Variants in NRXN1 observed in about 807,000 individuals in gnomAD.
NRXN1 encodes the protein neurexin-1.
Under a neutral mutation model 150.9 loss-of-function variants are expected in NRXN1, and 39 were observed. The ratio of observed to expected loss-of-function variants is 0.26; its 90% CI spans 0.20 to 0.34. NRXN1 has a LOEUF of 0.34. Ranked by LOEUF, NRXN1 falls within the 10% of genes least tolerant of loss-of-function variation. The probability of loss-of-function intolerance (pLI) is 1.00; values close to 1 mark genes in which losing one functional copy is unlikely to be tolerated. For synonymous variants in NRXN1, 924 were observed against 757.0 expected (o/e 1.22, Z -3.62); for missense variants, 1,815 against 1,949.9 (o/e 0.93, Z 1.30).
intron 17 of NRXN1, among the ~76,000 whole-genome samples, chr2:50,329,635 A>G (rs1474052985): frequency 3.7e-4 from 3 of 8,064 alleles, no homozygotes; most frequent in African/African-American, 7.8e-4. Flanking sequence ...ATATATATAT[A>G]TATATATATA....
chr2:50,125,893 C>A (rs1477831816), intron 18 of NRXN1, among the ~76,000 whole-genome samples: 1 of 152,002 alleles, frequency 6.6e-6, no homozygotes, highest in African/African-American at 2.4e-5. Flanking sequence ...GCTGCACTTT[C>A]CTGTGGTATA....
intron 18 of NRXN1, among the ~76,000 whole-genome samples, chr2:50,155,648 T>A (rs913830343): frequency 1.3e-5 from 2 of 151,518 alleles, no homozygotes; most frequent in African/African-American, 4.8e-5. Context: ...ACCCTGACAT[T>A]TATTTTAATA....
At chr2:50,029,154 C>A (rs1169173646) in intron 21 of NRXN1, among the ~76,000 whole-genome samples, 1 of 152,176 alleles carries the variant, frequency 6.6e-6, no homozygotes, top group Non-Finnish European at 1.5e-5. Flanking sequence ...TCTTCCTTTT[C>A]ACCATGTGAG....
chr2:50,425,968 A>T (rs2084447390), intron 17 of NRXN1, among the ~76,000 whole-genome samples: 1 of 152,218 alleles, frequency 6.6e-6, no homozygotes, highest in South Asian at 2.1e-4. Context: ...TCCTTATCAT[A>T]TCCCAACCTC....
intron 5 of NRXN1, among the ~76,000 whole-genome samples, chr2:50,723,622 C>A (rs1696950732): frequency 6.6e-6 from 1 of 152,176 alleles, no homozygotes; most frequent in Non-Finnish European, 1.5e-5. Flanking sequence ...TATAAAGTTA[C>A]CCAGAGGGCC....
At chr2:50,219,965 A>T (rs1161728879) in intron 18 of NRXN1, among the ~76,000 whole-genome samples, 1 of 56,798 alleles carries the variant, frequency 1.8e-5, no homozygotes, top group Non-Finnish European at 3.1e-5. Flanking sequence ...TATATATATT[A>T]TATATATATA....
chr2:50,307,639 A>G (rs2152959786), intron 17 of NRXN1, among the ~76,000 whole-genome samples: 1 of 152,338 alleles, frequency 6.6e-6, no homozygotes. Flanking sequence ...ATTAGTGATC[A>G]GGTCGAATAC....
intron 17 of NRXN1, among the ~76,000 whole-genome samples, chr2:50,261,155 T>C (rs1389316093): frequency 6.6e-6 from 1 of 151,796 alleles, no homozygotes; most frequent in Non-Finnish European, 1.5e-5. Flanking sequence ...GCATTTACAC[T>C]GTAGAAGCCA....
Position 50,347,212 on chromosome 2 carries a change from C to A in NRXN1, c.3365-110242G>T. On this transcript the variant is annotated intron_variant, in intron 17 of 22. Coordinates refer to ENST00000401669, the MANE Select transcript of NRXN1 (RefSeq NM_001330078.2). This position sits in a 1 kb window ranked among gnomAD's most constrained non-coding sequence, Gnocchi z 4.9. The stretch of plus-strand genomic sequence containing the variant: ...TTGTCCGGAAAGGCAGCCCCGGGAA[C>A]AGCAAGCGCGGAGCGGGTGGCTGCT... 1 of 1,341,780 alleles carries A rather than the reference C, an allele frequency of 7.5e-7. No individual in the cohort carries two copies. Among genetic ancestry groups the A allele is most frequent in the Non-Finnish European group, 9.8e-7 (1 of 1,024,150 alleles). 83.1% of individuals were successfully genotyped at this position (1,341,780 alleles called of 1,614,324 possible). A position where few individuals can be genotyped will look rare whatever the true frequency, so the allele number is the denominator to read the frequency against.
intron 18 of NRXN1, among the ~76,000 whole-genome samples, chr2:50,145,903 A>G (rs1400647586): frequency 2.0e-5 from 3 of 151,624 alleles, no homozygotes; most frequent in Non-Finnish European, 3.0e-5. Flanking sequence ...GATAGGTGAT[A>G]TGGTACTACT....
intron 18 of NRXN1, among the ~76,000 whole-genome samples, chr2:50,094,592 G>A (rs1699979794): frequency 6.6e-6 from 1 of 152,104 alleles, no homozygotes; most frequent in Non-Finnish European, 1.5e-5. Context: ...CTGATGCCCA[G>A]TGGCCAAGCA....
chr2:50,630,352 T>A (rs1479644681), intron 5 of NRXN1, among the ~76,000 whole-genome samples: 4 of 151,554 alleles, frequency 2.6e-5, no homozygotes, highest in South Asian at 2.1e-4. Context: ...GGAAAAAAAA[T>A]GTTAAACAAA....
At chr2:50,166,276 CGTATGTGTGT>C in intron 18 of NRXN1, among the ~76,000 whole-genome samples, 1 of 119,312 alleles carries the variant, frequency 8.4e-6, no homozygotes. Flanking sequence ...GAGTACTCAA[CGTATGTGTGT>C]GTGTGTGTGT....
chr2:49,927,022 TA>T (rs1558517786), intron 22 of NRXN1, among the ~76,000 whole-genome samples: 1 of 152,186 alleles, frequency 6.6e-6, no homozygotes, highest in Admixed American at 6.6e-5. Flanking sequence ...ATTATCCTTG[TA>T]GGGGCCCTCC....
At chr2:50,655,058 C>T (rs1283290183) in intron 5 of NRXN1, among the ~76,000 whole-genome samples, 1 of 151,866 alleles carries the variant, frequency 6.6e-6, no homozygotes, top group Non-Finnish European at 1.5e-5. Context: ...ATAGAAAAGT[C>T]TGGAAAATTG....
intron 18 of NRXN1, among the ~76,000 whole-genome samples, chr2:50,219,143 A>G (rs1264500961): frequency 6.6e-6 from 1 of 152,042 alleles, no homozygotes; most frequent in Non-Finnish European, 1.5e-5. Context: ...GCTTTGATCC[A>G]TTTCTCAATT....
intron 19 of NRXN1, among the ~76,000 whole-genome samples, chr2:50,086,210 C>T (rs1395115253): frequency 6.6e-6 from 1 of 152,058 alleles, no homozygotes; most frequent in Non-Finnish European, 1.5e-5. Context: ...CACTTCAGTA[C>T]CAACCCTGCA....
chr2:50,298,445 G>T (rs943060489), intron 17 of NRXN1, among the ~76,000 whole-genome samples: 3 of 152,020 alleles, frequency 2.0e-5, no homozygotes, highest in Non-Finnish European at 4.4e-5. Flanking sequence ...TTTCATGAAA[G>T]ACCTCCTAAA....
In NRXN1 at chr2:50,346,880, C is replaced by T. The variant is rs773983971; in HGVS notation, c.3365-109910G>A. The T allele has an allele frequency of 7.7e-7, 1 of 1,299,204 alleles. No homozygotes were observed. The highest frequency in any genetic ancestry group is 2.4e-5 in the South Asian group (1 of 41,344). 80.5% of individuals were successfully genotyped at this position (1,299,204 alleles called of 1,614,324 possible). On this transcript the variant is annotated intron_variant, in intron 17 of 22. Transcript: ENST00000401669. This position sits in a 1 kb window ranked among gnomAD's most constrained non-coding sequence, Gnocchi z 5.0. ...GCCAGGCGCCCCCCTGCGCCGCCGC[C>T]GCCGCCGCCGCCGCCGCCGCCCCCG... is the stretch of plus-strand genomic sequence containing the variant.
Sources: allele counts gnomAD v4.1 joint callset (sites outside exome capture counted in the v4.1 genomes callset), GRCh38; gene constraint gnomAD v4.1.1; non-coding constraint Gnocchi (gnomAD v3.1); transcripts MANE v1.5; gene names NCBI Gene and HGNC (gene_info 2026-07-23, HGNC 2026-07-21).